The following AGBL1 variants were observed in gnomAD, a reference collection of about 807,000 sequenced individuals.
AGBL1 encodes AGBL carboxypeptidase 1.
Under a neutral mutation model 118.9 loss-of-function variants are expected in AGBL1, and 130 were observed. That is an observed-to-expected ratio of 1.09 (90% CI 0.95 to 1.26). The LOEUF is 1.26. Among genes scored for constraint, AGBL1 ranks in the 50% most tolerant of loss-of-function variants. The probability of loss-of-function intolerance (pLI) is 0.00; values close to 1 mark genes in which losing one functional copy is unlikely to be tolerated. For missense variants in AGBL1, 1,584 were observed against 1,298.1 expected (o/e 1.22, Z -3.38); for synonymous variants, 555 against 478.9 (o/e 1.16, Z -2.08).
chr15:86,392,319 T>C (rs2081300086), intron 17 of AGBL1, among the ~76,000 whole-genome samples: 1 of 152,192 alleles, frequency 6.6e-6, no homozygotes, highest in Admixed American at 6.5e-5. Context: ...TTTCCTGAAC[T>C]AGTTTCCTAT....
chr15:86,437,139 G>T (rs1473559823), intron 18 of AGBL1, among the ~76,000 whole-genome samples: 1 of 152,114 alleles, frequency 6.6e-6, no homozygotes, highest in Non-Finnish European at 1.5e-5. Context: ...TTAATTTGAG[G>T]ACACTGAGGG....
rs1330846333 is a variant in AGBL1 at position 86,583,573 on chromosome 15, T to C, written c.2994+29036T>C. On this transcript the variant is annotated intron_variant, in intron 21 of 22. Transcript: ENST00000614907. ...ATATATGTACATTTCCTTTATCCAG[T>C]CCACTGCTGATGGGCGCTTAAGTTG... Among the ~76,000 whole-genome samples the C allele has an allele frequency of 3.9e-5, 6 of 152,284 alleles. No individual in the cohort carries two copies. In the East Asian group the frequency reaches 7.7e-4, roughly 20 times the overall value.
chr15:86,412,495 G>A lies in AGBL1; in HGVS notation c.2555+14949G>A, dbSNP rs572403478. ...TCAGTGTTTAGTCCTGATACACAGT[G>A]TTTTAACTATAATTGTCAGTGTTTG... On this transcript the variant is annotated intron_variant, in intron 18 of 22. Coordinates refer to ENST00000614907, the MANE Select transcript of AGBL1 (RefSeq NM_001386094.1). 9.2e-5 allele frequency among the ~76,000 whole-genome samples: 14 copies of A among 152,244 alleles called. No individual in the cohort carries two copies. In the South Asian group the frequency reaches 1.5e-3, roughly 16 times the overall value.
At chr15:86,411,698 T>C (rs1708910178) in intron 18 of AGBL1, among the ~76,000 whole-genome samples, 1 of 152,164 alleles carries the variant, frequency 6.6e-6, no homozygotes, top group Admixed American at 6.6e-5. Context: ...GTCCGATAAC[T>C]AATGGCCAAG....
intron 22 of AGBL1, among the ~76,000 whole-genome samples, chr15:86,788,383 C>G (rs2141324179): frequency 6.6e-6 from 1 of 152,274 alleles, no homozygotes; most frequent in South Asian, 2.1e-4. Context: ...CAGAACTTGA[C>G]CTTCAAGAGA....
At chr15:86,714,434 G>A (rs2142699573) in intron 22 of AGBL1, among the ~76,000 whole-genome samples, 1 of 152,278 alleles carries the variant, frequency 6.6e-6, no homozygotes, top group African/African-American at 2.4e-5. Context: ...GCAAGGAATT[G>A]AAGCAGTTTA....
intron 23 of AGBL1, among the ~76,000 whole-genome samples, chr15:86,955,193 T>G (rs1272304922): frequency 6.6e-6 from 1 of 152,078 alleles, no homozygotes; most frequent in Admixed American, 6.6e-5. Context: ...TTACTAAAAA[T>G]AAAAATTTTA....
chr15:86,924,500 C>G (rs542283931), intron 23 of AGBL1, among the ~76,000 whole-genome samples: 10 of 152,116 alleles, frequency 6.6e-5, no homozygotes, highest in Non-Finnish European at 5.9e-5. Context: ...TAATCATGAC[C>G]TGGAAAGTAT....
intron 1 of AGBL1, among the ~76,000 whole-genome samples, chr15:86,101,785 G>A (rs1353627438): frequency 6.6e-6 from 1 of 151,974 alleles, no homozygotes; most frequent in Non-Finnish European, 1.5e-5. Flanking sequence ...TGAATTTCTA[G>A]TAGGCAGCAT....
At chr15:86,210,329 T>G (rs2078070670) in intron 5 of AGBL1, among the ~76,000 whole-genome samples, 1 of 152,162 alleles carries the variant, frequency 6.6e-6, no homozygotes, top group Non-Finnish European at 1.5e-5. Flanking sequence ...CTTTGTGGTG[T>G]TCTCTGTATT....
At chr15:86,329,798 T>C (rs2080242536) in intron 17 of AGBL1, among the ~76,000 whole-genome samples, 1 of 151,918 alleles carries the variant, frequency 6.6e-6, no homozygotes, top group South Asian at 2.1e-4. Context: ...CTCTAGGCAT[T>C]CAGAGCACCT....
chr15:86,228,065 G>T (rs1170996162), intron 6 of AGBL1, among the ~76,000 whole-genome samples: 2 of 152,192 alleles, frequency 1.3e-5, no homozygotes, highest in Non-Finnish European at 1.5e-5. Context: ...AGTATTGATG[G>T]CATGAAGGGT....
intron 1 of AGBL1, among the ~76,000 whole-genome samples, chr15:86,134,541 G>A (rs2076859985): frequency 6.7e-6 from 1 of 149,706 alleles, no homozygotes; most frequent in African/African-American, 2.4e-5. Context: ...GGAGAAAATT[G>A]AGAGGGGGAC....
intron 18 of AGBL1, among the ~76,000 whole-genome samples, chr15:86,411,676 C>T (rs544581567): frequency 6.6e-6 from 1 of 152,268 alleles, no homozygotes; most frequent in East Asian, 1.9e-4. Flanking sequence ...CTGCCCCCTA[C>T]CCTTCCCTCT....
At chr15:86,238,737 C>A (rs1754182592) in intron 6 of AGBL1, among the ~76,000 whole-genome samples, 1 of 152,180 alleles carries the variant, frequency 6.6e-6, no homozygotes, top group African/African-American at 2.4e-5. Context: ...GAGATAGACT[C>A]CTCATATGGA....
intron 22 of AGBL1, among the ~76,000 whole-genome samples, chr15:86,856,190 C>G (rs1005134225): frequency 2.0e-5 from 3 of 152,152 alleles, no homozygotes; most frequent in South Asian, 4.1e-4. Context: ...CTTTCTCTTT[C>G]ATTATCTCCT....
At chr15:86,154,609 TG>T in intron 4 of AGBL1, 48 bp downstream of exon 4, 1 of 1,565,446 alleles carries the variant, frequency 6.4e-7, no homozygotes. Context: ...AAACCTGGGC[TG>T]GGACACATGG....
rs149790407 is a variant in AGBL1 at position 86,728,554 on chromosome 15, C to G, written c.3158+54118C>G. Among the ~76,000 whole-genome samples the G allele has an allele frequency of 9.9e-5, 15 of 152,222 alleles. No individual in the cohort carries two copies. In the East Asian group the frequency reaches 2.9e-3, roughly 29 times the overall value. ...CTTTTTACTCAGAGCCTTGTGGAGC[C>G]ATACTGAAGCCTGGGGCTAAATAAA... On this transcript the variant is annotated intron_variant, in intron 22 of 22. Transcript: ENST00000614907.
intron 18 of AGBL1, among the ~76,000 whole-genome samples, chr15:86,505,723 A>G (rs557455130): frequency 4.7e-4 from 72 of 152,038 alleles, no homozygotes; most frequent in African/African-American, 1.6e-3. Flanking sequence ...TTCCTTAAAC[A>G]TATGCATAAT....
Sources: allele counts gnomAD v4.1 joint callset (sites outside exome capture counted in the v4.1 genomes callset), GRCh38; gene constraint gnomAD v4.1.1; transcripts MANE v1.5; gene names NCBI Gene and HGNC (gene_info 2026-07-23, HGNC 2026-07-21).